The following FARS2 variants were observed in gnomAD, a reference collection of about 807,000 sequenced individuals.
The protein encoded by FARS2 is phenylalanine--tRNA ligase, mitochondrial.
FARS2 carries 40 observed loss-of-function variants against 46.4 expected under a neutral mutation model. The ratio of observed to expected loss-of-function variants is 0.86; its 90% CI spans 0.67 to 1.12. The LOEUF (loss-of-function observed/expected upper bound fraction) is 1.12, where lower values mean the gene tolerates loss of function less well. FARS2 is among the 50% of genes most tolerant of loss of function. FARS2 has a pLI of 0.00. For synonymous variants in FARS2, 234 were observed against 214.9 expected (o/e 1.09, Z -0.78); for missense variants, 513 against 567.9 (o/e 0.90, Z 0.98).
intron 1 of FARS2, among the ~76,000 whole-genome samples, chr6:5,341,186 GAGATATATATATATATATATAT>G: frequency 1.6e-5 from 1 of 61,230 alleles, no homozygotes; most frequent in Non-Finnish European, 3.0e-5. Flanking sequence ...TGGCCATGGG[GAGATATATATATATATATATAT>G]ATATATATAT....
intron 4 of FARS2, among the ~76,000 whole-genome samples, chr6:5,506,144 G>A (rs1768084385): frequency 6.6e-6 from 1 of 152,152 alleles, no homozygotes; most frequent in South Asian, 2.1e-4. Flanking sequence ...TCTCTCAGCT[G>A]TCCCAGTGGA....
At chr6:5,698,314 T>C (rs1457252817) in intron 6 of FARS2, among the ~76,000 whole-genome samples, 3 of 152,084 alleles carry the variant, frequency 2.0e-5, no homozygotes, top group Non-Finnish European at 4.4e-5. Flanking sequence ...GCACGTCACA[T>C]GGCGAAAGCA....
intron 2 of FARS2, among the ~76,000 whole-genome samples, chr6:5,387,968 C>T (rs1442761134): frequency 6.6e-6 from 1 of 152,156 alleles, no homozygotes; most frequent in Non-Finnish European, 1.5e-5. Flanking sequence ...CCTGTATAAT[C>T]CATATTCAGT....
At chr6:5,610,061 C>G in intron 5 of FARS2, 1 of 906,748 alleles carries the variant, frequency 1.1e-6, no homozygotes, top group South Asian at 1.3e-5. Context: ...TTGGGTCTCT[C>G]ATTACCACAC....
intron 6 of FARS2, among the ~76,000 whole-genome samples, chr6:5,707,070 T>C (rs1169322268): frequency 6.6e-6 from 1 of 152,236 alleles, no homozygotes. Flanking sequence ...TCACTTCTAT[T>C]CTTCCATATG....
Position 5,630,201 on chromosome 6 carries a change from A to G in FARS2, c.1217+16881A>G, listed in dbSNP as rs553219987. 9.7e-4 allele frequency among the ~76,000 whole-genome samples: 147 copies of G among 152,300 alleles called. No homozygotes were observed. Among genetic ancestry groups the G allele is most frequent in the African/African-American group, 3.3e-3 (138 of 41,558 alleles). ...CCAAGGTTTAAAGGATGGTGGAGACAGTGAGTGAGGAACTAAGAAGGGAGA... is the reference window on the plus strand; with the variant it reads ...CCAAGGTTTAAAGGATGGTGGAGACGGTGAGTGAGGAACTAAGAAGGGAGA... On this transcript the variant is annotated intron_variant, in intron 6 of 6. Coordinates refer to ENST00000274680, the MANE Select transcript of FARS2 (RefSeq NM_006567.5). The surrounding 1 kb of genome is among the most constrained non-coding windows in gnomAD (Gnocchi z 4.2).
At chr6:5,276,802 G>T (rs769759914) in intron 1 of FARS2, among the ~76,000 whole-genome samples, 2 of 152,174 alleles carry the variant, frequency 1.3e-5, no homozygotes, top group Non-Finnish European at 2.9e-5. Context: ...GCATCCAGGA[G>T]GAGGGCATGT....
chr6:5,558,745 G>T (rs1260496694), intron 5 of FARS2, among the ~76,000 whole-genome samples: 6 of 151,856 alleles, frequency 4.0e-5, no homozygotes, highest in Non-Finnish European at 8.8e-5. Flanking sequence ...TAGAGATGGG[G>T]TTTCACCATG....
At chr6:5,501,919 G>A (rs1767825955) in intron 4 of FARS2, among the ~76,000 whole-genome samples, 1 of 152,232 alleles carries the variant, frequency 6.6e-6, no homozygotes, top group Non-Finnish European at 1.5e-5. Context: ...TGAGATGCGT[G>A]TGCAGTGAGC....
At position 5,444,466 on chromosome 6, in the gene FARS2, CAAAAAAAAAAAA is replaced by C. The variant is rs751990577; in HGVS notation, c.904+13310_904+13321del. On this transcript the variant is annotated intron_variant, in intron 4 of 6. Transcript: ENST00000274680. ...TGGGTGACAAGGCGTGACTCTGTCTCAAAAAAAAAAAAAAAAAAAAAAAAAAAGAGAGAGAGA... is the reference window on the plus strand; with the variant it reads ...TGGGTGACAAGGCGTGACTCTGTCTCAAAAAAAAAAAAAAAGAGAGAGAGA... 8.6e-3 allele frequency among the ~76,000 whole-genome samples: 791 copies of C among 91,498 alleles called. 10 individuals are homozygous for C. The highest frequency in any genetic ancestry group is 0.028 in the Middle Eastern group (3 of 108). 60.0% of individuals were successfully genotyped at this position (91,498 alleles called of 152,430 possible).
At chr6:5,275,011 A>G (rs1014479280) in intron 1 of FARS2, among the ~76,000 whole-genome samples, 1 of 152,196 alleles carries the variant, frequency 6.6e-6, no homozygotes. Flanking sequence ...GCCTGGCCCT[A>G]CATATTTCAA....
rs146762853 is a variant in FARS2, at chr6:5,768,576, T to A, written c.1218-2715T>A. On this transcript the variant is annotated intron_variant, in intron 6 of 6. Transcript: ENST00000274680. ...CACCTCACACCCAATTAGCACTTTATAATTTGCAGAGTCCTGTCAATTTCT... is the reference window on the plus strand; with the variant it reads ...CACCTCACACCCAATTAGCACTTTAAAATTTGCAGAGTCCTGTCAATTTCT... Among the ~76,000 whole-genome samples the A allele has an allele frequency of 5.9e-3, 893 of 152,370 alleles. 31 individuals carry two copies. The highest frequency in any genetic ancestry group is 0.051 in the Admixed American group (785 of 15,302).
intron 2 of FARS2, among the ~76,000 whole-genome samples, chr6:5,396,062 C>T (rs1454911350): frequency 1.3e-5 from 2 of 151,984 alleles, no homozygotes; most frequent in East Asian, 1.9e-4. Flanking sequence ...ATTGTTATTG[C>T]TTGCTAATTT....
intron 6 of FARS2, among the ~76,000 whole-genome samples, chr6:5,657,786 T>C (rs186328517): frequency 5.8e-4 from 89 of 152,324 alleles, no homozygotes; most frequent in African/African-American, 2.1e-3. Context: ...CTTTCCGTTA[T>C]GGTCAGTAGT....
chr6:5,724,020 C>T (rs535186789), intron 6 of FARS2, among the ~76,000 whole-genome samples: 6 of 152,224 alleles, frequency 3.9e-5, no homozygotes, highest in East Asian at 1.9e-4. Context: ...AGAGTGGGCT[C>T]GGCGGGAAAG....
At chr6:5,749,413 CAG>C (rs1181881143) in intron 6 of FARS2, among the ~76,000 whole-genome samples, 2 of 152,222 alleles carry the variant, frequency 1.3e-5, no homozygotes, top group Non-Finnish European at 2.9e-5. Flanking sequence ...GGACCAGAAA[CAG>C]AGACCCTGCT....
chr6:5,715,114 T>A (rs1409408596), intron 6 of FARS2, among the ~76,000 whole-genome samples: 2 of 152,198 alleles, frequency 1.3e-5, no homozygotes, highest in African/African-American at 4.8e-5. Context: ...ATCAACTTCA[T>A]TTAACTCGTG....
intron 4 of FARS2, among the ~76,000 whole-genome samples, chr6:5,517,612 CAA>C (rs11366583): frequency 6.3e-5 from 8 of 127,554 alleles, no homozygotes; most frequent in Admixed American, 3.2e-4. Context: ...GACTCAGTCT[CAA>C]AAAAAAAAAA....
intron 4 of FARS2, among the ~76,000 whole-genome samples, chr6:5,477,101 C>T (rs1162101039): frequency 2.6e-5 from 4 of 152,184 alleles, no homozygotes; most frequent in Non-Finnish European, 5.9e-5. Context: ...AAAGCAGACT[C>T]CATGTCCAAT....
Sources: allele counts gnomAD v4.1 joint callset (sites outside exome capture counted in the v4.1 genomes callset), GRCh38; gene constraint gnomAD v4.1.1; non-coding constraint Gnocchi (gnomAD v3.1); transcripts MANE v1.5; gene names NCBI Gene and HGNC (gene_info 2026-07-23, HGNC 2026-07-21).